Variants in GPC6 observed in about 807,000 individuals in gnomAD.
GPC6 encodes glypican-6.
Under a neutral mutation model 55.2 loss-of-function variants are expected in GPC6, and 14 were observed. The observed-to-expected ratio is 0.25, with a 90% CI of 0.17 to 0.40. The LOEUF (loss-of-function observed/expected upper bound fraction) is 0.40. Among genes scored for constraint, GPC6 ranks in the 10% least tolerant of loss-of-function variants. GPC6 has a pLI of 1.00. For missense variants in GPC6, 641 were observed against 708.5 expected, an observed-to-expected ratio of 0.90 and a Z score of 1.08; for synonymous variants, 278 against 259.6, an observed-to-expected ratio of 1.07 and a Z score of -0.68.
intron 2 of GPC6, among the ~76,000 whole-genome samples, chr13:93,797,081 G>C (rs1362818240): frequency 6.6e-6 from 1 of 152,194 alleles, no homozygotes; most frequent in Non-Finnish European, 1.5e-5. Flanking sequence ...CTAGAAAAGA[G>C]AACATTTATT....
chr13:93,723,390 C>G (rs917438576), intron 2 of GPC6, among the ~76,000 whole-genome samples: 1 of 151,928 alleles, frequency 6.6e-6, no homozygotes, highest in African/African-American at 2.4e-5. Context: ...AATCCCCTTA[C>G]TTTAAGGATG....
intron 1 of GPC6, among the ~76,000 whole-genome samples, chr13:93,267,520 C>T (rs1169981299): frequency 6.6e-6 from 1 of 152,030 alleles, no homozygotes; most frequent in Non-Finnish European, 1.5e-5. Context: ...CTAGAAGCTT[C>T]AATTCCTTTG....
intron 1 of GPC6, among the ~76,000 whole-genome samples, chr13:93,463,055 T>A (rs1312678809): frequency 6.6e-6 from 1 of 152,194 alleles, no homozygotes; most frequent in African/African-American, 2.4e-5. Context: ...GAATAAATTG[T>A]GCTCCAATTT....
chr13:93,252,168 A>G (rs1445684521), intron 1 of GPC6, among the ~76,000 whole-genome samples: 1 of 152,196 alleles, frequency 6.6e-6, no homozygotes, highest in African/African-American at 2.4e-5. Flanking sequence ...TTGTGTTTCT[A>G]ACAAGCTCCC....
In GPC6 at chr13:93,227,681, C is replaced by T. The variant is rs1369612358; in HGVS notation, c.160+65C>T. ...GGCTGCCGCACGTCCCACTGGCCGC[C>T]CGGCGTCCCCTTCCTTCCCCCTGTT... On this transcript the variant is annotated intron_variant, in intron 1 of 8. Transcript: ENST00000377047. This position sits in a 1 kb window ranked among gnomAD's most constrained non-coding sequence, Gnocchi z 4.3. 3 of 1,309,394 alleles carry T rather than the reference C, an allele frequency of 2.3e-6. No homozygotes were observed. The highest frequency in any genetic ancestry group is 3.2e-6 in the Non-Finnish European group (3 of 944,910). 81.1% of individuals were successfully genotyped at this position (1,309,394 alleles called of 1,614,324 possible).
chr13:94,169,146 G>A (rs1398485768), intron 4 of GPC6, among the ~76,000 whole-genome samples: 1 of 152,190 alleles, frequency 6.6e-6, no homozygotes, highest in Non-Finnish European at 1.5e-5. Context: ...ATTTACTACA[G>A]GATAGGAAAC....
intron 2 of GPC6, among the ~76,000 whole-genome samples, chr13:93,646,151 G>GT (rs1256278292): frequency 6.6e-6 from 1 of 152,058 alleles, no homozygotes; most frequent in Non-Finnish European, 1.5e-5. Flanking sequence ...AAACTATGGA[G>GT]TTTATATTAT....
At chr13:93,274,110 A>G (rs1387939711) in intron 1 of GPC6, among the ~76,000 whole-genome samples, 1 of 152,118 alleles carries the variant, frequency 6.6e-6, no homozygotes, top group Non-Finnish European at 1.5e-5. Context: ...CTCATTTTTT[A>G]AGGGAAATGA....
At chr13:93,610,196 G>C (rs556588291) in intron 2 of GPC6, among the ~76,000 whole-genome samples, 170 of 152,222 alleles carry the variant, frequency 1.1e-3, no homozygotes, top group African/African-American at 4.0e-3. Flanking sequence ...AAAAAACTTC[G>C]TAAGTTTCAA....
intron 1 of GPC6, among the ~76,000 whole-genome samples, chr13:93,308,366 T>A (rs1462151033): frequency 3.3e-5 from 5 of 152,216 alleles, no homozygotes; most frequent in African/African-American, 1.2e-4. Context: ...GACTGAGAAG[T>A]AACTGGTGCA....
At chr13:93,619,543 C>T (rs1368763314) in intron 2 of GPC6, among the ~76,000 whole-genome samples, 1 of 152,120 alleles carries the variant, frequency 6.6e-6, no homozygotes, top group African/African-American at 2.4e-5. Flanking sequence ...ACCTTCAACT[C>T]TGGACTCAAA....
chr13:93,913,883 G>A (rs1005216334), intron 3 of GPC6, among the ~76,000 whole-genome samples: 2 of 152,088 alleles, frequency 1.3e-5, no homozygotes, highest in African/African-American at 4.8e-5. Context: ...AACTTAGTTG[G>A]CTGCTGACAG....
chr13:93,530,362 C>T (rs1164415913), intron 1 of GPC6, among the ~76,000 whole-genome samples: 1 of 152,188 alleles, frequency 6.6e-6, no homozygotes, highest in Non-Finnish European at 1.5e-5. Context: ...TGCTCCTCCT[C>T]ATTTCTCTCC....
chr13:94,239,847 T>G (rs1242156128), intron 4 of GPC6, among the ~76,000 whole-genome samples: 2 of 152,060 alleles, frequency 1.3e-5, no homozygotes, highest in East Asian at 3.9e-4. Flanking sequence ...TCAGCTTCCC[T>G]CTTGGAAGAT....
At chr13:93,426,475 G>C (rs1442871803) in intron 1 of GPC6, among the ~76,000 whole-genome samples, 1 of 45,396 alleles carries the variant, frequency 2.2e-5, no homozygotes, top group African/African-American at 4.7e-5. Flanking sequence ...CTATGAGTGA[G>C]AATATGCAGT....
chr13:94,292,301 A>G (rs540317444), intron 5 of GPC6, among the ~76,000 whole-genome samples: 4 of 152,224 alleles, frequency 2.6e-5, no homozygotes, highest in Non-Finnish European at 2.9e-5. Flanking sequence ...CACTGAGTCA[A>G]TCTCACACAA....
chr13:93,636,741 C>A (rs1241724352), intron 2 of GPC6, among the ~76,000 whole-genome samples: 1 of 152,098 alleles, frequency 6.6e-6, no homozygotes, highest in Non-Finnish European at 1.5e-5. Flanking sequence ...GGGCAGTCCA[C>A]CAGAAATATC....
At chr13:93,490,517 T>G (rs1879940280) in intron 1 of GPC6, among the ~76,000 whole-genome samples, 1 of 142,800 alleles carries the variant, frequency 7.0e-6, no homozygotes, top group South Asian at 2.2e-4. Flanking sequence ...TTTTTGAGTT[T>G]TTTTTTTTTT....
intron 3 of GPC6, among the ~76,000 whole-genome samples, chr13:93,944,976 G>A (rs1288804735): frequency 6.6e-6 from 1 of 152,090 alleles, no homozygotes; most frequent in Non-Finnish European, 1.5e-5. Context: ...AGACTCAGGC[G>A]AGAGAAGAAC....
Sources: allele counts gnomAD v4.1 joint callset (sites outside exome capture counted in the v4.1 genomes callset), GRCh38; gene constraint gnomAD v4.1.1; non-coding constraint Gnocchi (gnomAD v3.1); transcripts MANE v1.5; gene names NCBI Gene and HGNC (gene_info 2026-07-23, HGNC 2026-07-21).